The following MAP3K13 variants were observed in gnomAD, a reference collection of about 807,000 sequenced individuals.
MAP3K13 encodes the protein leucine zipper-bearing kinase.
A neutral mutation model predicts 104.0 loss-of-function variants in MAP3K13; 52 were observed. That is an observed-to-expected ratio of 0.50 (90% CI 0.40 to 0.63). The LOEUF (loss-of-function observed/expected upper bound fraction) is 0.63. Among genes scored for constraint, MAP3K13 ranks in the 20% least tolerant of loss-of-function variants. The pLI, the probability that MAP3K13 is intolerant of heterozygous loss-of-function variation, is 0.00. For synonymous variants in MAP3K13, 394 were observed against 442.2 expected (o/e 0.89, Z 1.37); for missense variants, 914 against 1,218.5 (o/e 0.75, Z 3.72).
chr3:185,286,819 AC>A lies in MAP3K13; in HGVS notation c.-86+1177del, dbSNP rs1240279196. On this transcript the variant is annotated intron_variant, in intron 2 of 14. Transcript: ENST00000424227. ...GGCCTAGAGTAGGAAGAAGAGACTTACATCTCACATTTTTTCCATATACTAT... is the reference window on the plus strand; with the variant it reads ...GGCCTAGAGTAGGAAGAAGAGACTTAATCTCACATTTTTTCCATATACTAT... Among the ~76,000 whole-genome samples, 7 of 152,194 alleles carry A rather than the reference AC, an allele frequency of 4.6e-5. 1 individual carries two copies. The highest frequency in any genetic ancestry group is 1.7e-4 in the African/African-American group (7 of 41,554).
intron 11 of MAP3K13, among the ~76,000 whole-genome samples, chr3:185,475,240 G>C (rs1718050449): frequency 6.6e-6 from 1 of 151,958 alleles, no homozygotes; most frequent in Admixed American, 6.6e-5. Context: ...AAAGCATTTA[G>C]AACAGGGCCT....
intron 1 of MAP3K13, among the ~76,000 whole-genome samples, chr3:185,404,663 G>T (rs1713007162): frequency 6.6e-6 from 1 of 152,098 alleles, no homozygotes; most frequent in African/African-American, 2.4e-5. Flanking sequence ...TGCAACCTCA[G>T]CCTTCTGGGT....
At chr3:185,479,976 T>C (rs1319217209) in intron 12 of MAP3K13, among the ~76,000 whole-genome samples, 1 of 152,232 alleles carries the variant, frequency 6.6e-6, no homozygotes, top group African/African-American at 2.4e-5. Flanking sequence ...TTTAACTTTA[T>C]TTACTTCCTA....
At chr3:185,379,657 G>C (rs753315602) in intron 1 of MAP3K13, among the ~76,000 whole-genome samples, 3 of 152,204 alleles carry the variant, frequency 2.0e-5, no homozygotes, top group East Asian at 3.9e-4. Flanking sequence ...GAGCCACAAG[G>C]CTGTTTATTT....
At chr3:185,347,436 C>T (rs534418448) in intron 2 of MAP3K13, among the ~76,000 whole-genome samples, 1 of 152,150 alleles carries the variant, frequency 6.6e-6, no homozygotes, top group Admixed American at 6.5e-5. Context: ...TTATACATTG[C>T]CTTATTGATC....
intron 1 of MAP3K13, among the ~76,000 whole-genome samples, chr3:185,365,253 ACT>A (rs1723815593): frequency 6.6e-6 from 1 of 152,154 alleles, no homozygotes. Context: ...AAAAACAATA[ACT>A]CTTAATTGTT....
chr3:185,351,714 T>G (rs1399221878), intron 2 of MAP3K13, among the ~76,000 whole-genome samples: 1 of 152,188 alleles, frequency 6.6e-6, no homozygotes, highest in Non-Finnish European at 1.5e-5. Flanking sequence ...CTTATCTCAT[T>G]TAATGAATAG....
intron 2 of MAP3K13, among the ~76,000 whole-genome samples, chr3:185,306,994 A>T (rs1364250103): frequency 6.6e-6 from 1 of 152,166 alleles, no homozygotes; most frequent in Non-Finnish European, 1.5e-5. Flanking sequence ...TTCTTTTAGC[A>T]GTTTGAATGT....
chr3:185,480,445 G>C lies in MAP3K13; in HGVS notation c.2715G>C (p.Gly905=). 9.9e-6 allele frequency: 16 copies of C among 1,614,212 alleles called. No individual in the cohort carries two copies. Among genetic ancestry groups the C allele is most frequent in the Non-Finnish European group, 1.4e-5 (16 of 1,180,034 alleles). The change falls in exon 13 of 14, where the codon GGG becomes GGC. Residue 905 remains glycine (G), a synonymous_variant. Coordinates refer to ENST00000265026, the MANE Select transcript of MAP3K13 (RefSeq NM_004721.5). The part of the protein sequence containing the change: ...IPIDISSHSD[G]LSDKECAVRR... Reference sequence around the variant, plus strand: ...TTGACATATCCTCACACTCGGATGGGCTCTCTGACAAGGAGTGTGCCGTGC... The same window carrying C: ...TTGACATATCCTCACACTCGGATGGCCTCTCTGACAAGGAGTGTGCCGTGC...
chr3:185,417,696 T>A lies in MAP3K13; in HGVS notation c.-85-10801T>A, dbSNP rs1284618464. On this transcript the variant is annotated intron_variant, in intron 1 of 13. Coordinates refer to ENST00000265026, the MANE Select transcript of MAP3K13 (RefSeq NM_004721.5). ...CCGCCTTTTCATCTGATTTGGCTGGTAGTGCTGCTGCTGCAGCAGCTGCCT... is the reference window on the plus strand; with the variant it reads ...CCGCCTTTTCATCTGATTTGGCTGGAAGTGCTGCTGCTGCAGCAGCTGCCT... The A allele has an allele frequency of 1.9e-6, 3 of 1,612,616 alleles. No homozygotes were observed. The African/African-American group carries it at 4.0e-5, about 22-fold the overall frequency.
chr3:185,485,667 G>A lies in MAP3K13; in HGVS notation c.*3211G>A, dbSNP rs1159483295. 1.3e-5 allele frequency: 2 copies of A among 151,706 alleles called. No individual in the cohort carries two copies. Among genetic ancestry groups the A allele is most frequent in the African/African-American group, 2.4e-5 (1 of 41,286 alleles). 9.4% of individuals were successfully genotyped at this position (151,706 alleles called of 1,614,324 possible). A position where few individuals can be genotyped will look rare whatever the true frequency, so the allele number is the denominator to read the frequency against. ...CTATTTAATTAATAATAGCCCCAAA[G>A]GGCAAGAGTGCTGTGCCTAATTTAC... On this transcript the variant is annotated 3_prime_UTR_variant, in exon 14 of 14. Coordinates refer to ENST00000265026, the MANE Select transcript of MAP3K13 (RefSeq NM_004721.5).
chr3:185,453,917 G>A lies in MAP3K13; in HGVS notation c.1278+2522G>A, dbSNP rs868732462. ...TGATACATATATATGAGATATATAT[G>A]TGATACATATATATGAGATATATAT... On this transcript the variant is annotated intron_variant, in intron 7 of 13. Transcript: ENST00000265026. Among the ~76,000 whole-genome samples the A allele has an allele frequency of 1.3e-3, 66 of 50,406 alleles. 1 individual carries two copies. The highest frequency in any genetic ancestry group is 0.017 in the Middle Eastern group (1 of 60). The allele number at this position is 50,406 out of a possible 152,430, so 33.1% of individuals were successfully genotyped here.
chr3:185,369,492 C>T (rs1338949218), intron 1 of MAP3K13, among the ~76,000 whole-genome samples: 2 of 152,130 alleles, frequency 1.3e-5, no homozygotes, highest in Middle Eastern at 3.2e-3. Flanking sequence ...TTGGAGAGCT[C>T]TTTTAAACTC....
At chr3:185,427,210 A>C (rs1482247888) in intron 1 of MAP3K13, among the ~76,000 whole-genome samples, 1 of 151,594 alleles carries the variant, frequency 6.6e-6, no homozygotes, top group African/African-American at 2.4e-5. Flanking sequence ...AAAAAAAAAA[A>C]AAAATTAGCT....
At chr3:185,412,079 C>A (rs1032926968) in intron 1 of MAP3K13, among the ~76,000 whole-genome samples, 4 of 152,108 alleles carry the variant, frequency 2.6e-5, no homozygotes, top group African/African-American at 9.7e-5. Context: ...CCACCATGCC[C>A]AGCCTAAATA....
At chr3:185,320,529 A>T (rs1721818069) in intron 2 of MAP3K13, among the ~76,000 whole-genome samples, 2 of 152,206 alleles carry the variant, frequency 1.3e-5, no homozygotes, top group African/African-American at 4.8e-5. Context: ...TCTCCATTCA[A>T]ATGACATCAG....
At chr3:185,352,320 TG>T (rs1175896179) in intron 2 of MAP3K13, among the ~76,000 whole-genome samples, 2 of 152,090 alleles carry the variant, frequency 1.3e-5, no homozygotes, top group African/African-American at 4.8e-5. Flanking sequence ...GGTGCATGCC[TG>T]TAATCCCAGC....
intron 2 of MAP3K13, among the ~76,000 whole-genome samples, chr3:185,331,086 AT>A (rs202033355): frequency 0.096 from 10,520 of 110,074 alleles, 607 homozygotes; most frequent in East Asian, 0.21. Context: ...TTTTAACCTA[AT>A]TTACCTTTTT....
chr3:185,458,367 C>CA (rs60147107), intron 7 of MAP3K13, among the ~76,000 whole-genome samples: 97 of 112,164 alleles, frequency 8.6e-4, no homozygotes, highest in African/African-American at 1.8e-3. Flanking sequence ...GACCCCATCT[C>CA]AAAAAAAAAA....
Sources: gnomAD v4.1 joint callset for allele counts (sites outside exome capture counted in the v4.1 genomes callset) on GRCh38, gnomAD v4.1.1 for gene constraint, MANE v1.5 for transcripts, NCBI Gene and HGNC (gene_info 2026-07-23, HGNC 2026-07-21) for gene names.